Variants in LMBRD2 observed in about 807,000 individuals in gnomAD.
The protein encoded by LMBRD2 is G protein-coupled receptor-associated protein LMBRD2.
LMBRD2 carries 55 observed loss-of-function variants against 94.4 expected under a neutral mutation model. The observed-to-expected ratio is 0.58, with a 90% confidence interval of 0.47 to 0.73. The LOEUF (loss-of-function observed/expected upper bound fraction) is 0.73. Among genes scored for constraint, LMBRD2 ranks in the 30% least tolerant of loss-of-function variants. The pLI, the probability that LMBRD2 is intolerant of heterozygous loss-of-function variation, is 0.00. For missense variants in LMBRD2, 640 were observed against 831.9 expected (o/e 0.77, Z 2.84); for synonymous variants, 246 against 272.4 (o/e 0.90, Z 0.95).
In LMBRD2 at chr5:36,108,651, G is replaced by A. The variant is rs1320976007; in HGVS notation, c.1792-12C>T. On this transcript the variant is annotated splice_polypyrimidine_tract_variant and intron_variant, in intron 15 of 17. Coordinates refer to ENST00000296603, the MANE Select transcript of LMBRD2 (RefSeq NM_001007527.2). Reference sequence around the variant, plus strand: ...CGTTCTTTCCATTCCTAGAAAAGAAGCACAAATAATCATATAATAGAACAG... The same window carrying A: ...CGTTCTTTCCATTCCTAGAAAAGAAACACAAATAATCATATAATAGAACAG... 2 of 1,296,192 alleles carry A rather than the reference G, an allele frequency of 1.5e-6. No individual in the cohort carries two copies. The highest frequency in any genetic ancestry group is 2.2e-6 in the Non-Finnish European group (2 of 921,756). 80.3% of individuals were successfully genotyped at this position (1,296,192 alleles called of 1,614,324 possible).
Position 36,141,219 on chromosome 5 carries a change from TA to T in LMBRD2, c.273-18del. The T allele has an allele frequency of 7.1e-7, 1 of 1,407,756 alleles. No homozygotes were observed. Among genetic ancestry groups the T allele is most frequent in the Non-Finnish European group, 1.0e-6 (1 of 1,001,348 alleles). 87.2% of individuals were successfully genotyped at this position (1,407,756 alleles called of 1,614,324 possible). ...GGATGCTGGCTGTTGAATAAAAAGT[TA>T]AAGCCAACTAATCATAAATGACTAC... On this transcript the variant is annotated intron_variant, in intron 3 of 17. Coordinates refer to ENST00000296603, the MANE Select transcript of LMBRD2 (RefSeq NM_001007527.2).
intron 1 of LMBRD2, among the ~76,000 whole-genome samples, chr5:36,144,271 G>A (rs920083393): frequency 1.3e-5 from 2 of 151,920 alleles, no homozygotes; most frequent in African/African-American, 4.8e-5. Context: ...CTAATCAAAG[G>A]CAATATGAAC....
intron 17 of LMBRD2, 73 bp downstream of exon 17, chr5:36,104,995 A>G (rs1743429335): frequency 7.1e-7 from 1 of 1,408,476 alleles, no homozygotes; most frequent in African/African-American, 1.4e-5. Flanking sequence ...ACTTATTTTC[A>G]ATCTTGTCAA....
intron 10 of LMBRD2, 38 bp downstream of exon 10, chr5:36,117,697 A>T: frequency 7.2e-7 from 1 of 1,391,534 alleles, no homozygotes; most frequent in Non-Finnish European, 1.0e-6. Flanking sequence ...TATACTATGA[A>T]GTGACATCTA....
At chr5:36,106,793 C>T (rs981975516) in intron 16 of LMBRD2, among the ~76,000 whole-genome samples, 2 of 151,982 alleles carry the variant, frequency 1.3e-5, no homozygotes, top group African/African-American at 4.8e-5. Flanking sequence ...CGCGCCTGGC[C>T]CCAAATCCAA....
Position 36,098,788 on chromosome 5 carries a change from C to T in LMBRD2, c.*5258G>A, listed in dbSNP as rs773355469. On this transcript the variant is annotated 3_prime_UTR_variant, in exon 18 of 18. Coordinates refer to ENST00000296603, the MANE Select transcript of LMBRD2 (RefSeq NM_001007527.2). Reference sequence around the variant, plus strand: ...AGCACTTTGCAGCTTTTTCCAAGTACATATTTGAAAATGTAGTGAGAATCT... The same window carrying T: ...AGCACTTTGCAGCTTTTTCCAAGTATATATTTGAAAATGTAGTGAGAATCT... 1 of 151,926 alleles carries T rather than the reference C, an allele frequency of 6.6e-6. No homozygotes were observed. The highest frequency in any genetic ancestry group is 1.5e-5 in the Non-Finnish European group (1 of 67,936). The allele number at this position is 151,926 out of a possible 1,614,324, so 9.4% of individuals were successfully genotyped here.
Position 36,108,622 on chromosome 5 carries a change from A to G in LMBRD2, c.1809T>C (p.Tyr603=). 6.5e-7 allele frequency: 1 copy of G among 1,540,738 alleles called. No individual in the cohort carries two copies. Among genetic ancestry groups the G allele is most frequent in the Non-Finnish European group, 8.8e-7 (1 of 1,132,020 alleles). Residue 603 remains tyrosine (Y), a synonymous_variant, in exon 16 of 18, where the codon TAT becomes TAC. Transcript: ENST00000296603. Reference sequence around the variant, plus strand: ...TAGTGGAATCTTCTCTATTGTGTCCATAACGTTCTTTCCATTCCTAGAAAA... The same window carrying G: ...TAGTGGAATCTTCTCTATTGTGTCCGTAACGTTCTTTCCATTCCTAGAAAA... ...ENRRREWKER[Y]GHNREDSTRN...
chr5:36,141,062 C>A (rs753276849), intron 4 of LMBRD2, 45 bp downstream of exon 4: 10 of 1,032,168 alleles, frequency 9.7e-6, no homozygotes, highest in African/African-American at 1.6e-5. Flanking sequence ...ACATTTTATT[C>A]CTTTAGCCAA....
chr5:36,122,481 G>GGTA lies in LMBRD2; in HGVS notation c.937-21_937-19dup, dbSNP rs778429727. ...TAAATCACCTAAAAAAGAGAATGGG[G>GGTA]GTAGACCTGGCAGTGTTCTGATCCA... On this transcript the variant is annotated intron_variant, in intron 8 of 17. Transcript: ENST00000296603. The GGTA allele has an allele frequency of 1.2e-5, 19 of 1,602,770 alleles. No individual in the cohort carries two copies. Among genetic ancestry groups the GGTA allele is most frequent in the Non-Finnish European group, 1.6e-5 (19 of 1,173,348 alleles).
intron 6 of LMBRD2, among the ~76,000 whole-genome samples, chr5:36,133,306 G>A (rs1744195801): frequency 1.3e-5 from 2 of 150,868 alleles, no homozygotes; most frequent in Non-Finnish European, 3.0e-5. Context: ...GGCACAGAAA[G>A]ACAAACTTCA....
chr5:36,132,113 G>T (rs1292332224), intron 6 of LMBRD2, among the ~76,000 whole-genome samples: 1 of 151,976 alleles, frequency 6.6e-6, no homozygotes, highest in East Asian at 1.9e-4. Flanking sequence ...GATAAAAACA[G>T]ACCAATGGTA....
chr5:36,131,176 T>G (rs561804375), intron 6 of LMBRD2, among the ~76,000 whole-genome samples: 16 of 152,114 alleles, frequency 1.1e-4, no homozygotes, highest in Non-Finnish European at 2.2e-4. Context: ...CAAGAATGGT[T>G]TGACATATGC....
intron 11 of LMBRD2, 97 bp from the exon 12 acceptor site, chr5:36,115,217 T>C (rs1256138194): frequency 7.4e-6 from 5 of 679,128 alleles, no homozygotes; most frequent in Non-Finnish European, 1.2e-5. Context: ...CAGATAATTA[T>C]AGCTAAAATT....
rs267764 is a variant in LMBRD2 at position 36,142,487 on chromosome 5, T to A, written c.272+15A>T. On this transcript the variant is annotated intron_variant, in intron 3 of 17. Transcript: ENST00000296603. ...CCCTACAATGTTTATATATTTTTTT[T>A]AAAAAAGGAAATACCTTGGAACAGG... 622,976 of 1,375,496 alleles carry A rather than the reference T, an allele frequency of 0.45. 144,052 individuals carry two copies. The highest frequency in any genetic ancestry group is 0.64 in the African/African-American group (44,610 of 69,862). 85.2% of individuals were successfully genotyped at this position (1,375,496 alleles called of 1,614,324 possible).
At chr5:36,142,886 G>T in intron 2 of LMBRD2, 1 of 375,288 alleles carries the variant, frequency 2.7e-6, no homozygotes, top group Non-Finnish European at 4.8e-6. Flanking sequence ...CACCACGTCC[G>T]GCTATTTTTT....
intron 16 of LMBRD2, among the ~76,000 whole-genome samples, chr5:36,105,592 C>G (rs561591491): frequency 6.6e-6 from 1 of 152,192 alleles, no homozygotes; most frequent in African/African-American, 2.4e-5. Context: ...TCAGCTCAAA[C>G]TCTTAAAAAA....
chr5:36,114,536 A>G lies in LMBRD2; in HGVS notation c.1543-15T>C, dbSNP rs757537635. On this transcript the variant is annotated splice_polypyrimidine_tract_variant and intron_variant, in intron 12 of 17. Transcript: ENST00000296603. ...GAACCCATAATCTGAAGAGCAAGAA[A>G]AAAGTAAGTTAAATTGGAATAGCTC... The G allele has an allele frequency of 6.6e-7, 1 of 1,516,588 alleles. No individual in the cohort carries two copies. The highest frequency in any genetic ancestry group is 8.8e-7 in the Non-Finnish European group (1 of 1,141,190). 93.9% of individuals were successfully genotyped at this position (1,516,588 alleles called of 1,614,324 possible). A position where few individuals can be genotyped will look rare whatever the true frequency, so the allele number is the denominator to read the frequency against.
intron 15 of LMBRD2, among the ~76,000 whole-genome samples, chr5:36,108,842 T>C (rs1743535836): frequency 2.0e-5 from 3 of 152,160 alleles, no homozygotes; most frequent in African/African-American, 7.2e-5. Flanking sequence ...ACTTCAACTT[T>C]TACAAATGAC....
Position 36,105,154 on chromosome 5 carries a change from G to T in LMBRD2, c.1941C>A (p.Asp647Glu). ...CTGCATCTTGGAGAAGTTCTATCCG[G>T]TCCCTTTCAGTCCTGTTATTAGCCC... ...YTRANNRTERDRIELLQDAEP... is the reference protein window; with the variant it reads ...YTRANNRTERERIELLQDAEP... The change falls in exon 17 of 18, where the codon GAC (aspartate) becomes GAA (glutamate). Residue 647 changes from aspartate to glutamate, a missense_variant. Physicochemically the swap from Asp to Glu is conservative, Grantham distance 45. This residue lies in a region of LMBRD2 where 183 missense variants were observed against 189.1 expected (regional missense o/e 0.97). Transcript: ENST00000296603. The T allele has an allele frequency of 1.2e-6, 2 of 1,612,458 alleles. No individual in the cohort carries two copies. The highest frequency in any genetic ancestry group is 1.7e-6 in the Non-Finnish European group (2 of 1,178,868).
Sources: gnomAD v4.1 joint callset for allele counts (sites outside exome capture counted in the v4.1 genomes callset) on GRCh38, gnomAD v4.1.1 for gene constraint, gnomAD v4.1.1 regional missense constraint, MANE v1.5 for transcripts, NCBI Gene and HGNC (gene_info 2026-07-23, HGNC 2026-07-21) for gene names.